Variants in RIC3 observed in about 807,000 individuals in gnomAD.
RIC3 encodes protein RIC-3.
RIC3 carries 28 observed loss-of-function variants against 27.3 expected under a neutral mutation model. The ratio of observed to expected loss-of-function variants is 1.02; its 90% CI spans 0.76 to 1.41. The LOEUF (loss-of-function observed/expected upper bound fraction) is 1.41. Ranked by LOEUF, RIC3 falls within the 40% of genes most tolerant of loss-of-function variation. The pLI, the probability that RIC3 is intolerant of heterozygous loss-of-function variation, is 0.00. For synonymous variants in RIC3, 184 were observed against 160.4 expected (o/e 1.15, Z -1.11); for missense variants, 501 against 444.7 (o/e 1.13, Z -1.14).
chr11:8,111,190 A>T, intron 5 of RIC3, 53 bp from the exon 6 acceptor site: 2 of 1,339,424 alleles, frequency 1.5e-6, no homozygotes, highest in Non-Finnish European at 1.0e-6. Flanking sequence ...TCAAAAAAAA[A>T]AAAAATAGTG....
At chr11:8,146,640 A>C (rs1021216394) in intron 1 of RIC3, among the ~76,000 whole-genome samples, 7 of 151,534 alleles carry the variant, frequency 4.6e-5, no homozygotes, top group African/African-American at 1.7e-4. Context: ...GTTAGGGTGC[A>C]GCTTGGTTTT....
intron 4 of RIC3, among the ~76,000 whole-genome samples, chr11:8,130,016 T>A (rs759775414): frequency 6.6e-6 from 1 of 152,252 alleles, no homozygotes; most frequent in African/African-American, 2.4e-5. Context: ...TTTATCTTAG[T>A]TAATGCCATA....
the RIC3 span, among the ~76,000 whole-genome samples, chr11:8,099,833 A>G: frequency 6.6e-6 from 1 of 152,206 alleles, no homozygotes; most frequent in African/African-American, 2.4e-5. Context: ...TGTCTAGGGG[A>G]CACAGTGAGG....
intron 2 of RIC3, chr11:8,138,570 C>A: frequency 2.1e-6 from 1 of 485,694 alleles, no homozygotes; most frequent in Non-Finnish European, 3.6e-6. Context: ...AGTAGAGATT[C>A]CTCTTCAAAG....
intron 1 of RIC3, among the ~76,000 whole-genome samples, chr11:8,162,395 TC>T (rs1293272177): frequency 6.6e-6 from 1 of 152,208 alleles, no homozygotes; most frequent in Non-Finnish European, 1.5e-5. Flanking sequence ...AACAATCTTC[TC>T]CCTGAAGAAA....
the RIC3 span, chr11:8,094,005 G>A: frequency 1.2e-6 from 2 of 1,613,676 alleles, no homozygotes; most frequent in South Asian, 2.2e-5. Flanking sequence ...CTCACCCACT[G>A]CCTGTTTCTC....
At chr11:8,100,921 G>A in the RIC3 span, 5 of 1,614,026 alleles carry the variant, frequency 3.1e-6, no homozygotes, top group East Asian at 4.5e-5. Flanking sequence ...ATGACACACA[G>A]TCCTATGTAC....
In RIC3 at chr11:8,138,491, C is replaced by CAAA. The variant is rs58292164; in HGVS notation, c.352-147_352-145dup. 510 of 304,254 alleles carry CAAA rather than the reference C, an allele frequency of 1.7e-3. 1 individual carries two copies. Among genetic ancestry groups the CAAA allele is most frequent in the African/African-American group, 6.5e-3 (265 of 40,802 alleles). 18.8% of individuals were successfully genotyped at this position (304,254 alleles called of 1,614,324 possible). ...AAATAGCAACACTAGAGAAATAGCT[C>CAAA]AAAAAAAAAAACGCCAAAAGATGAG... On this transcript the variant is annotated intron_variant, in intron 2 of 5. Transcript: ENST00000309737.
At chr11:8,101,888 GGTA>G (rs1944324017), downstream of RIC3, 43 of 488,868 alleles carry the variant, frequency 8.8e-5, 1 homozygote, top group South Asian at 1.1e-3. Context: ...CCACCCTTGG[GGTA>G]GTAGTGTGTT....
At chr11:8,146,987 T>C (rs1257363012) in intron 1 of RIC3, among the ~76,000 whole-genome samples, 1 of 152,158 alleles carries the variant, frequency 6.6e-6, no homozygotes, top group East Asian at 1.9e-4. Flanking sequence ...AGGTGGGGAA[T>C]TGGTCCTGGC....
At position 8,138,516 on chromosome 11, in the gene RIC3, G is replaced by C. The variant is rs527590986; in HGVS notation, c.352-169C>G. 1,108 of 515,496 alleles carry C rather than the reference G, an allele frequency of 2.1e-3. 3 individuals carry two copies. The highest frequency in any genetic ancestry group is 3.2e-3 in the Non-Finnish European group (953 of 293,594). 31.9% of individuals were successfully genotyped at this position (515,496 alleles called of 1,614,324 possible). A position where few individuals can be genotyped will look rare whatever the true frequency, so the allele number is the denominator to read the frequency against. On this transcript the variant is annotated intron_variant, in intron 2 of 5. Coordinates refer to ENST00000309737, the MANE Select transcript of RIC3 (RefSeq NM_001206671.4). The stretch of plus-strand genomic sequence containing the variant: ...CAAAAAAAAAAACGCCAAAAGATGA[G>C]GTTTCCAAGTAAAAAATTATCAAAG...
chr11:8,135,915 T>C (rs1438388638), intron 4 of RIC3: 2 of 152,222 alleles, frequency 1.3e-5, no homozygotes, highest in East Asian at 1.9e-4. Context: ...CTCATACAAA[T>C]AGTCATATGT....
At chr11:8,097,262 A>G in the RIC3 span, 2 of 1,614,054 alleles carry the variant, frequency 1.2e-6, no homozygotes, top group Non-Finnish European at 1.7e-6. Context: ...ACAGCTCCAG[A>G]GCAACCAGTG....
intron 1 of RIC3, among the ~76,000 whole-genome samples, chr11:8,168,605 C>G (rs1030010845): frequency 6.6e-6 from 1 of 152,198 alleles, no homozygotes; most frequent in Non-Finnish European, 1.5e-5. Context: ...AACGGGAGTA[C>G]GCAAGGCCAC....
chr11:8,133,627 T>A (rs185397285), intron 4 of RIC3, among the ~76,000 whole-genome samples: 1 of 152,322 alleles, frequency 6.6e-6, no homozygotes, highest in East Asian at 1.9e-4. Flanking sequence ...CAACTCAGCA[T>A]CTTATAAAAA....
In RIC3 at chr11:8,111,106, G is replaced by C. The variant is rs1945204910; in HGVS notation, c.702C>G (p.Asp234Glu). The part of the protein sequence containing the change: ...GYPEETYPIY[D>E]LSDCIKRRQE... ...GCCTACGCTTGATACAGTCTGAAAG[G>C]TCATAAATTGGGTAAGTCTCTTCAG... Residue 234 changes from aspartate to glutamate, a missense_variant, in exon 6 of 6, where the codon GAC becomes GAG. Physicochemically the swap from Asp to Glu is conservative, Grantham distance 45. Transcript: ENST00000309737. 4.4e-6 allele frequency: 7 copies of C among 1,607,826 alleles called. No homozygotes were observed. The highest frequency in any genetic ancestry group is 6.0e-6 in the Non-Finnish European group (7 of 1,175,050).
chr11:8,095,271 G>A, the RIC3 span, among the ~76,000 whole-genome samples: 2 of 152,172 alleles, frequency 1.3e-5, no homozygotes, highest in African/African-American at 2.4e-5. Context: ...ACCAACCCTC[G>A]GCAATTAATT....
intron 1 of RIC3, among the ~76,000 whole-genome samples, chr11:8,148,138 C>T (rs1180185060): frequency 1.3e-5 from 2 of 152,170 alleles, no homozygotes; most frequent in African/African-American, 4.8e-5. Context: ...CTTTCTCAGC[C>T]AAGCTCCACT....
At chr11:8,097,132 C>T in the RIC3 span, 1 of 1,389,480 alleles carries the variant, frequency 7.2e-7, no homozygotes, top group Non-Finnish European at 1.0e-6. Context: ...TCCCTCTCTC[C>T]CACCGCCACG....
Sources: allele counts gnomAD v4.1 joint callset (sites outside exome capture counted in the v4.1 genomes callset), GRCh38; gene constraint gnomAD v4.1.1; transcripts MANE v1.5; gene names NCBI Gene and HGNC (gene_info 2026-07-23, HGNC 2026-07-21).